Variants in FAM227B observed in about 807,000 individuals in gnomAD.
The protein encoded by FAM227B is family with sequence similarity 227 member B.
In FAM227B, 88 loss-of-function variants were observed where a neutral mutation model predicts 73.8. The observed-to-expected ratio is 1.19, with a 90% CI of 1.00 to 1.42. The LOEUF (loss-of-function observed/expected upper bound fraction) is 1.42. Among genes scored for constraint, FAM227B ranks in the 40% most tolerant of loss-of-function variants. FAM227B has a pLI of 0.00. For missense variants in FAM227B, 632 were observed against 590.9 expected, an observed-to-expected ratio of 1.07 and a Z score of -0.72; for synonymous variants, 210 against 190.5, an observed-to-expected ratio of 1.10 and a Z score of -0.84.
intron 11 of FAM227B, among the ~76,000 whole-genome samples, chr15:49,494,749 C>T (rs750694996): frequency 2.0e-5 from 3 of 152,070 alleles, no homozygotes; most frequent in Non-Finnish European, 4.4e-5. Flanking sequence ...TGTTTTGTTC[C>T]CTTATGTATC....
At chr15:49,437,792 A>C (rs1236117028) in intron 11 of FAM227B, among the ~76,000 whole-genome samples, 1 of 151,712 alleles carries the variant, frequency 6.6e-6, no homozygotes, top group Non-Finnish European at 1.5e-5. Flanking sequence ...AATTCAGCCT[A>C]TGTGTGGATA....
chr15:49,410,593 A>C (rs1004775186), intron 11 of FAM227B, among the ~76,000 whole-genome samples: 13 of 152,100 alleles, frequency 8.5e-5, no homozygotes, highest in Non-Finnish European at 1.8e-4. Flanking sequence ...TAGTTTAAAA[A>C]ATTTGTCATT....
chr15:49,380,838 G>A (rs1438901682), intron 11 of FAM227B, among the ~76,000 whole-genome samples: 3 of 151,884 alleles, frequency 2.0e-5, no homozygotes, highest in Middle Eastern at 3.2e-3. Context: ...ATGAAATGTC[G>A]GCAGAAGCCC....
chr15:49,338,503 T>A (rs933220672), intron 13 of FAM227B, among the ~76,000 whole-genome samples: 2 of 152,240 alleles, frequency 1.3e-5, no homozygotes, highest in Non-Finnish European at 2.9e-5. Flanking sequence ...CCGCTGTTAG[T>A]CTGGTGGGCT....
intron 11 of FAM227B, among the ~76,000 whole-genome samples, chr15:49,399,561 G>T (rs2047969037): frequency 6.7e-6 from 1 of 149,074 alleles, no homozygotes; most frequent in East Asian, 2.0e-4. Flanking sequence ...GAGAATTTTA[G>T]ACCAATATCC....
chr15:49,575,154 T>C (rs1288320556), intron 7 of FAM227B, 45 bp from the exon 8 acceptor site: 1 of 1,037,590 alleles, frequency 9.6e-7, no homozygotes, highest in East Asian at 2.4e-5. Context: ...TTAAAATATA[T>C]TACAAAACAT....
chr15:49,619,664 A>C (rs181381816), intron 1 of FAM227B, among the ~76,000 whole-genome samples: 2 of 152,222 alleles, frequency 1.3e-5, no homozygotes, highest in Admixed American at 6.5e-5. Context: ...ATAGCAACCC[A>C]ATGCTCAATC....
intron 11 of FAM227B, among the ~76,000 whole-genome samples, chr15:49,378,410 A>G (rs910378262): frequency 6.6e-6 from 1 of 152,066 alleles, no homozygotes; most frequent in Middle Eastern, 3.2e-3. Context: ...ACATGTTAAC[A>G]ATATTGATTA....
chr15:49,484,113 T>C (rs2056191987), intron 11 of FAM227B, among the ~76,000 whole-genome samples: 1 of 152,050 alleles, frequency 6.6e-6, no homozygotes, highest in South Asian at 2.1e-4. Context: ...TGTTTTTATT[T>C]CAAATTTAAG....
At chr15:49,447,337 A>C (rs2052317556) in intron 11 of FAM227B, among the ~76,000 whole-genome samples, 1 of 151,578 alleles carries the variant, frequency 6.6e-6, no homozygotes, top group Admixed American at 6.6e-5. Context: ...CTTAGAGGTA[A>C]ATACATTTTG....
At position 49,493,888 on chromosome 15, in the gene FAM227B, A is replaced by ATATATATATATATG. The variant is rs146161182; in HGVS notation, c.1012+14322_1012+14323insCATATATATATATA. 3.5e-4 allele frequency among the ~76,000 whole-genome samples: 52 copies of ATATATATATATATG among 148,916 alleles called. No homozygotes were observed. The South Asian group carries it at 5.3e-3, about 15-fold the overall frequency. On this transcript the variant is annotated intron_variant, in intron 11 of 15. Coordinates refer to ENST00000299338, the MANE Select transcript of FAM227B (RefSeq NM_152647.3). Reference sequence around the variant, plus strand: ...TATGTATGTGTATATATATATATATATGTGTGTGTGTGTATGTATGTGTGT... The same window carrying ATATATATATATATG: ...TATGTATGTGTATATATATATATATATATATATATATATGTGTGTGTGTGTGTATGTATGTGTGT...
intron 12 of FAM227B, among the ~76,000 whole-genome samples, chr15:49,368,093 G>T (rs910226503): frequency 1.3e-5 from 2 of 151,844 alleles, no homozygotes; most frequent in African/African-American, 4.8e-5. Context: ...CTCATATATA[G>T]GGGAACTTTA....
At position 49,365,353 on chromosome 15, in the gene FAM227B, A is replaced by G. The variant is rs1209541736; in HGVS notation, c.1271+2095T>C. On this transcript the variant is annotated intron_variant, in intron 13 of 15. Transcript: ENST00000299338. ...CAAATGTAAGTATCATGCCAATAGC[A>G]TAGGCAACTGTAGAGGAAACATAGT... is the stretch of plus-strand genomic sequence containing the variant. 4.6e-6 allele frequency: 7 copies of G among 1,506,826 alleles called. No individual in the cohort carries two copies. In the East Asian group the frequency reaches 1.6e-4, roughly 34 times the overall value. 93.3% of individuals were successfully genotyped at this position (1,506,826 alleles called of 1,614,324 possible). A position where few individuals can be genotyped will look rare whatever the true frequency, so the allele number is the denominator to read the frequency against.
At chr15:49,581,631 T>G (rs2075820359) in intron 5 of FAM227B, among the ~76,000 whole-genome samples, 1 of 152,122 alleles carries the variant, frequency 6.6e-6, no homozygotes, top group Admixed American at 6.6e-5. Context: ...TCAGTATTCT[T>G]AAAGAAAAGA....
At chr15:49,351,760 TA>T (rs11334538) in intron 13 of FAM227B, among the ~76,000 whole-genome samples, 90,497 of 151,910 alleles carry the variant, frequency 0.6, 27,333 homozygotes, top group Non-Finnish European at 0.63. Context: ...GCTGACCCTA[TA>T]AGGGAGGTCT....
chr15:49,565,555 A>G (rs2074589525), intron 9 of FAM227B, among the ~76,000 whole-genome samples: 2 of 152,156 alleles, frequency 1.3e-5, no homozygotes, highest in Admixed American at 1.3e-4. Flanking sequence ...CTCTGCATTC[A>G]GATAAGTATT....
At position 49,424,817 on chromosome 15, in the gene FAM227B, T is replaced by C. The variant is rs189462008; in HGVS notation, c.1013-53418A>G. 6.8e-5 allele frequency: 22 copies of C among 325,536 alleles called. No homozygotes were observed. The East Asian group carries it at 8.6e-4, about 13-fold the overall frequency. The allele number at this position is 325,536 out of a possible 1,614,324, so 20.2% of individuals were successfully genotyped here. A position where few individuals can be genotyped will look rare whatever the true frequency, so the allele number is the denominator to read the frequency against. On this transcript the variant is annotated intron_variant, in intron 11 of 15. Coordinates refer to ENST00000299338, the MANE Select transcript of FAM227B (RefSeq NM_152647.3). ...GATAATCCAAGCCAATTTGAAAATA[T>C]ATACTCCTTGTCCTGAAAATGCTCA...
intron 5 of FAM227B, among the ~76,000 whole-genome samples, chr15:49,581,330 CT>C (rs752126650): frequency 2.9e-3 from 421 of 143,794 alleles, no homozygotes; most frequent in Admixed American, 2.9e-3. Context: ...ATTCAGTATT[CT>C]TTTTTTTTTT....
At chr15:49,459,946 G>A (rs2053645703) in intron 11 of FAM227B, among the ~76,000 whole-genome samples, 1 of 152,118 alleles carries the variant, frequency 6.6e-6, no homozygotes, top group Non-Finnish European at 1.5e-5. Context: ...TTCTTCTGGA[G>A]AGTCTGTTCT....
Sources: allele counts gnomAD v4.1 joint callset (sites outside exome capture counted in the v4.1 genomes callset), GRCh38; gene constraint gnomAD v4.1.1; transcripts MANE v1.5; gene names NCBI Gene and HGNC (gene_info 2026-07-23, HGNC 2026-07-21).